SYT14: variants seen among roughly 807,000 people sequenced by gnomAD.
SYT14 encodes the protein synaptotagmin-14.
A neutral mutation model predicts 74.2 loss-of-function variants in SYT14; 32 were observed. The observed-to-expected ratio is 0.43, with a 90% CI of 0.33 to 0.58. The LOEUF is 0.58. Ranked by LOEUF, SYT14 falls within the 20% of genes least tolerant of loss-of-function variation. SYT14 has a pLI of 0.05. For missense variants in SYT14, 791 were observed against 981.8 expected (o/e 0.81, Z 2.60); for synonymous variants, 298 against 337.7 (o/e 0.88, Z 1.29).
chr1:210,006,929 C>T (rs550264586), intron 2 of SYT14, among the ~76,000 whole-genome samples: 147 of 151,664 alleles, frequency 9.7e-4, no homozygotes, highest in Admixed American at 2.3e-3. Flanking sequence ...AAAACATTTT[C>T]TTAGCTAGAA....
chr1:210,103,078 A>T (rs1028028286), intron 7 of SYT14, among the ~76,000 whole-genome samples: 6 of 152,204 alleles, frequency 3.9e-5, no homozygotes, highest in African/African-American at 1.4e-4. Flanking sequence ...GCAAACTACC[A>T]TTAAAACACA....
intron 5 of SYT14, among the ~76,000 whole-genome samples, chr1:210,083,984 C>T (rs991157833): frequency 2.0e-5 from 3 of 152,152 alleles, no homozygotes; most frequent in Admixed American, 6.5e-5. Flanking sequence ...GGATTATAGA[C>T]GGGAGTCATC....
intron 5 of SYT14, among the ~76,000 whole-genome samples, chr1:210,091,058 C>T (rs1013970888): frequency 2.6e-5 from 4 of 152,104 alleles, no homozygotes; most frequent in African/African-American, 9.7e-5. Flanking sequence ...TGTTGTTTCT[C>T]TCAAATCCAG....
intron 4 of SYT14, among the ~76,000 whole-genome samples, chr1:210,019,252 G>A (rs1321330122): frequency 6.6e-6 from 1 of 151,374 alleles, no homozygotes; most frequent in African/African-American, 2.4e-5. Context: ...CCCTCCTCAA[G>A]AGACTCAAAA....
chr1:210,103,406 C>T (rs1182004119), intron 7 of SYT14, among the ~76,000 whole-genome samples: 3 of 151,684 alleles, frequency 2.0e-5, no homozygotes, highest in East Asian at 1.9e-4. Flanking sequence ...AAAAATTAGC[C>T]GGGCGTGGTG....
intron 5 of SYT14, among the ~76,000 whole-genome samples, chr1:210,047,484 G>A (rs187613196): frequency 4.8e-4 from 73 of 152,036 alleles, no homozygotes; most frequent in African/African-American, 1.5e-3. Context: ...TGCAACCTCC[G>A]CCTCCCAGGT....
chr1:210,021,355 G>A, intron 5 of SYT14, 101 bp downstream of exon 4: 1 of 1,051,804 alleles, frequency 9.5e-7, no homozygotes, highest in South Asian at 1.3e-5. Context: ...AAACAAGAGA[G>A]CACATACAGT....
At chr1:210,039,680 A>C (rs757470726) in intron 5 of SYT14, among the ~76,000 whole-genome samples, 2 of 152,204 alleles carry the variant, frequency 1.3e-5, no homozygotes, top group Non-Finnish European at 2.9e-5. Context: ...ACTTAAATTT[A>C]CAAGAAAAAA....
chr1:210,169,646 T>C (rs986690337), exon 10 of SYT14: 2 of 152,132 alleles, frequency 1.3e-5, no homozygotes, highest in African/African-American at 4.8e-5. Context: ...GAGGAATCTT[T>C]AAAGCTGTTT....
intron 7 of SYT14, among the ~76,000 whole-genome samples, chr1:210,125,303 A>G (rs1191911034): frequency 1.3e-5 from 2 of 151,392 alleles, no homozygotes; most frequent in African/African-American, 2.4e-5. Flanking sequence ...AAGTGAGAAC[A>G]TATGGATTTG....
chr1:210,099,881 AATT>A, intron 6 of SYT14, 128 bp from the exon 6 acceptor site: 1 of 903,180 alleles, frequency 1.1e-6, no homozygotes, highest in South Asian at 1.7e-5. Context: ...GTTGACTGTT[AATT>A]ATTATTGTAT....
At chr1:210,059,451 T>TATATATATATATATATATATATAGAGAG (rs377050610) in intron 5 of SYT14, among the ~76,000 whole-genome samples, 1 of 69,902 alleles carries the variant, frequency 1.4e-5, no homozygotes, top group African/African-American at 7.8e-5. Context: ...TATATATATA[T>TATATATATATATATATATATATAGAGAG]AGAGAGAGAG....
rs754027985 is a variant in SYT14, at chr1:209,938,219, C to A, written c.-592C>A. 3 of 1,515,692 alleles carry A rather than the reference C, an allele frequency of 2.0e-6. No individual in the cohort carries two copies. The highest frequency in any genetic ancestry group is 2.9e-5 in the African/African-American group (2 of 69,336). 93.9% of individuals were successfully genotyped at this position (1,515,692 alleles called of 1,614,324 possible). On this transcript the variant is annotated 5_prime_UTR_variant, in exon 1 of 10. In the 5' UTR this introduces an upstream ATG that the reference lacks. Transcript: ENST00000637265. ...GCGCGTCCTCCGCCAGCCCTCGCGT[C>A]TGCTGCCCCCGCCATCCAGTTGGTG... is the stretch of plus-strand genomic sequence containing the variant.
At chr1:210,030,830 C>T (rs369269420) in intron 5 of SYT14, among the ~76,000 whole-genome samples, 2 of 152,080 alleles carry the variant, frequency 1.3e-5, no homozygotes, top group African/African-American at 4.8e-5. Flanking sequence ...AGAACAGTTT[C>T]TTGAGAGAGG....
At chr1:209,957,657 C>T (rs2079014580) in intron 2 of SYT14, among the ~76,000 whole-genome samples, 2 of 152,016 alleles carry the variant, frequency 1.3e-5, no homozygotes, top group Admixed American at 6.6e-5. Context: ...GAACTCCCTA[C>T]TTCAGGTGAT....
At chr1:210,161,348 T>C (rs1475531642) in exon 10 of SYT14, 2 of 493,828 alleles carry the variant, frequency 4.0e-6, no homozygotes, top group Non-Finnish European at 3.9e-6. Flanking sequence ...AAAGAGCCAG[T>C]CATTTTATGA....
intron 2 of SYT14, among the ~76,000 whole-genome samples, chr1:209,977,183 A>T (rs944788118): frequency 2.6e-5 from 4 of 152,156 alleles, no homozygotes; most frequent in African/African-American, 9.7e-5. Flanking sequence ...GTGTCTTTTA[A>T]TTGGAGCATT....
chr1:210,132,301 T>C (rs933922640), intron 7 of SYT14, among the ~76,000 whole-genome samples: 2 of 151,858 alleles, frequency 1.3e-5, no homozygotes, highest in Non-Finnish European at 2.9e-5. Context: ...TTTCTTCCCA[T>C]CCTGGCATGG....
chr1:210,137,971 G>T (rs778962663), intron 7 of SYT14, among the ~76,000 whole-genome samples: 1 of 152,032 alleles, frequency 6.6e-6, no homozygotes, highest in Non-Finnish European at 1.5e-5. Context: ...GAGCCACTGC[G>T]CCCAGCCTCT....
Sources: gnomAD v4.1 joint callset for allele counts (sites outside exome capture counted in the v4.1 genomes callset) on GRCh38, gnomAD v4.1.1 for gene constraint, MANE v1.5 for transcripts, NCBI Gene and HGNC (gene_info 2026-07-23, HGNC 2026-07-21) for gene names.